KAT6B: variants seen among roughly 807,000 people sequenced by gnomAD.
The protein encoded by KAT6B is histone acetyltransferase KAT6B.
A neutral mutation model predicts 187.5 loss-of-function variants in KAT6B; 10 were observed. That is an observed-to-expected ratio of 0.05 (90% CI 0.03 to 0.09). The LOEUF (loss-of-function observed/expected upper bound fraction) is 0.09, where lower values mean the gene tolerates loss of function less well. Among genes scored for constraint, KAT6B ranks in the 10% least tolerant of loss-of-function variants. KAT6B has a pLI of 1.00. For synonymous variants in KAT6B, 861 were observed against 926.8 expected, an observed-to-expected ratio of 0.93 and a Z score of 1.29; for missense variants, 1,952 against 2,558.9, an observed-to-expected ratio of 0.76 and a Z score of 5.12.
chr10:74,863,736 AAC>A (rs1172775876), intron 3 of KAT6B, among the ~76,000 whole-genome samples: 1 of 152,240 alleles, frequency 6.6e-6, no homozygotes, highest in African/African-American at 2.4e-5. Flanking sequence ...ATTGCTAAAT[AAC>A]AGTGTTGTGG....
intron 6 of KAT6B, among the ~76,000 whole-genome samples, chr10:74,971,568 C>T (rs1481643038): frequency 6.6e-6 from 1 of 151,934 alleles, no homozygotes; most frequent in South Asian, 2.1e-4. Flanking sequence ...TTATTCTTGG[C>T]TGTTTGTATA....
chr10:74,930,866 G>C (rs1384450273), intron 3 of KAT6B, among the ~76,000 whole-genome samples: 1 of 151,972 alleles, frequency 6.6e-6, no homozygotes, highest in Non-Finnish European at 1.5e-5. Context: ...TTTCCCCCTC[G>C]ACCTTTTACA....
At position 74,924,895 on chromosome 10, in the gene KAT6B, A is replaced by AT. The variant is rs968584696; in HGVS notation, c.622-35063dup. The stretch of plus-strand genomic sequence containing the variant: ...GGAATCAGTCAGTTTGCTATACTGA[A>AT]TTTTTTTTTTTTCAGCTGTGTTCTA... On this transcript the variant is annotated intron_variant, in intron 3 of 17. Coordinates refer to ENST00000287239, the MANE Select transcript of KAT6B (RefSeq NM_012330.4). Among the ~76,000 whole-genome samples the AT allele has an allele frequency of 4.5e-3, 669 of 147,240 alleles. 5 individuals are homozygous for AT. Among genetic ancestry groups the AT allele is most frequent in the African/African-American group, 0.014 (563 of 40,316 alleles).
intron 3 of KAT6B, among the ~76,000 whole-genome samples, chr10:74,876,441 T>C (rs1844422481): frequency 6.6e-6 from 1 of 152,190 alleles, no homozygotes. Flanking sequence ...CATCTCCAAG[T>C]AGAAAGGCAA....
chr10:74,883,920 T>C (rs574724094), intron 3 of KAT6B, among the ~76,000 whole-genome samples: 3 of 152,340 alleles, frequency 2.0e-5, no homozygotes, highest in Middle Eastern at 3.4e-3. Context: ...CTCATACTTA[T>C]GTGCTGTTGA....
chr10:74,961,430 C>T (rs1456679241), intron 4 of KAT6B, among the ~76,000 whole-genome samples: 1 of 152,146 alleles, frequency 6.6e-6, no homozygotes, highest in Non-Finnish European at 1.5e-5. Flanking sequence ...ACACCCTTCC[C>T]TGTTTTTATT....
At chr10:74,849,435 GGCAC>G (rs1184285942) in intron 3 of KAT6B, among the ~76,000 whole-genome samples, 1 of 151,902 alleles carries the variant, frequency 6.6e-6, no homozygotes, top group African/African-American at 2.4e-5. Flanking sequence ...TGGGATTACA[GGCAC>G]GCACCACCAA....
intron 3 of KAT6B, among the ~76,000 whole-genome samples, chr10:74,857,687 G>T (rs1842907475): frequency 6.6e-6 from 1 of 152,178 alleles, no homozygotes; most frequent in Non-Finnish European, 1.5e-5. Flanking sequence ...AATCATTGAA[G>T]GTTTTGGGCT....
intron 3 of KAT6B, among the ~76,000 whole-genome samples, chr10:74,935,214 A>T (rs1797014141): frequency 6.6e-6 from 1 of 152,228 alleles, no homozygotes; most frequent in Admixed American, 6.5e-5. Context: ...ACTGTTATTT[A>T]TTAATTGGAG....
intron 3 of KAT6B, among the ~76,000 whole-genome samples, chr10:74,860,102 A>C (rs1843074731): frequency 6.6e-6 from 1 of 152,082 alleles, no homozygotes; most frequent in African/African-American, 2.4e-5. Context: ...CATGTGCACA[A>C]GTGCAAGTTT....
chr10:75,029,155 T>C lies in KAT6B; in HGVS notation c.4331T>C (p.Leu1444Pro), dbSNP rs1846117108. 1 of 1,614,192 alleles carries C rather than the reference T, an allele frequency of 6.2e-7. No homozygotes were observed. The highest frequency in any genetic ancestry group is 8.5e-7 in the Non-Finnish European group (1 of 1,180,038). The change falls in exon 18 of 18, where the codon CTG becomes CCG. Residue 1444 changes from leucine to proline, a missense_variant. Leu to Pro is a moderately conservative substitution (Grantham distance 98). Transcript: ENST00000287239. This position sits in a 1 kb window ranked among gnomAD's most constrained non-coding sequence, Gnocchi z 6.2. ...MESAEVEKEE[L>P]PRESFKEVLE... The stretch of plus-strand genomic sequence containing the variant: ...TCTGCCGAAGTGGAGAAGGAAGAGC[T>C]GCCCAGAGAAAGCTTCAAAGAAGTA...
At chr10:74,851,958 C>G (rs1842508338) in intron 3 of KAT6B, among the ~76,000 whole-genome samples, 1 of 152,180 alleles carries the variant, frequency 6.6e-6, no homozygotes, top group Non-Finnish European at 1.5e-5. Context: ...AGAGCAGACC[C>G]TCCTCATCTG....
chr10:74,998,850 C>T (rs1843633735), intron 13 of KAT6B, among the ~76,000 whole-genome samples: 1 of 152,122 alleles, frequency 6.6e-6, no homozygotes, highest in Non-Finnish European at 1.5e-5. Flanking sequence ...ATGGCTTGAT[C>T]CCAGGAGGTC....
At chr10:74,989,411 G>A (rs1842996159) in intron 13 of KAT6B, among the ~76,000 whole-genome samples, 1 of 152,168 alleles carries the variant, frequency 6.6e-6, no homozygotes. Context: ...ATGCTCATTA[G>A]CACCAAAAGA....
chr10:74,976,530 A>G, intron 8 of KAT6B, 200 bp downstream of exon 8: 2 of 626,078 alleles, frequency 3.2e-6, no homozygotes, highest in Middle Eastern at 4.3e-4. Flanking sequence ...TGTTTTTCCA[A>G]CTAATACTCT....
intron 1 of KAT6B, among the ~76,000 whole-genome samples, chr10:74,838,132 T>C (rs1339261822): frequency 6.6e-6 from 1 of 152,234 alleles, no homozygotes; most frequent in East Asian, 1.9e-4. Context: ...AAAATGTGAC[T>C]TGTGTCAATA....
In KAT6B at chr10:74,883,080, G is replaced by A. The variant is rs143758869; in HGVS notation, c.621+39602G>A. ...TATTGAGTTCCCGAAAGTTTATAAA[G>A]AGATGACAAACAATTGGCTATGGGA... is the stretch of plus-strand genomic sequence containing the variant. On this transcript the variant is annotated intron_variant, in intron 3 of 17. Coordinates refer to ENST00000287239, the MANE Select transcript of KAT6B (RefSeq NM_012330.4). Among the ~76,000 whole-genome samples the A allele has an allele frequency of 2.1e-3, 315 of 152,290 alleles. 1 individual carries two copies. Among genetic ancestry groups the A allele is most frequent in the Middle Eastern group, 3.4e-3 (1 of 294 alleles).
In KAT6B at chr10:75,029,782, C is replaced by T; in HGVS notation, c.4958C>T (p.Pro1653Leu). Residue 1653 changes from proline to leucine, a missense_variant, in exon 18 of 18, where the codon CCA (proline) becomes CTA (leucine). Physicochemically the swap from Pro to Leu is moderately conservative, Grantham distance 98 (BLOSUM62 -3). Coordinates refer to ENST00000287239, the MANE Select transcript of KAT6B (RefSeq NM_012330.4). This position sits in a 1 kb window ranked among gnomAD's most constrained non-coding sequence, Gnocchi z 6.2. The stretch of plus-strand genomic sequence containing the variant: ...GAAACCAGTCCCATGATGGATGTCC[C>T]ATCAGTTTCAGATCATTCACAGCAA... ...NMETSPMMDV[P>L]SVSDHSQQVV... 1.2e-6 allele frequency: 2 copies of T among 1,614,196 alleles called. No individual in the cohort carries two copies. Among genetic ancestry groups the T allele is most frequent in the Non-Finnish European group, 1.7e-6 (2 of 1,180,024 alleles).
intron 4 of KAT6B, among the ~76,000 whole-genome samples, chr10:74,963,431 C>T (rs1443632989): frequency 2.0e-5 from 3 of 152,164 alleles, no homozygotes; most frequent in African/African-American, 4.8e-5. Flanking sequence ...TTCAAAATTA[C>T]AGCATCATTC....
Sources: allele counts gnomAD v4.1 joint callset (sites outside exome capture counted in the v4.1 genomes callset), GRCh38; gene constraint gnomAD v4.1.1; non-coding constraint Gnocchi (gnomAD v3.1); transcripts MANE v1.5; gene names NCBI Gene and HGNC (gene_info 2026-07-23, HGNC 2026-07-21).